The following ABI3BP variants were observed in gnomAD, a reference collection of about 807,000 sequenced individuals.
The protein encoded by ABI3BP is ABI family member 3 binding protein.
In ABI3BP, 216 loss-of-function variants were observed where a neutral mutation model predicts 268.6. That is an observed-to-expected ratio of 0.80 (90% CI 0.72 to 0.90). The LOEUF (loss-of-function observed/expected upper bound fraction) is 0.90. ABI3BP is among the 40% of genes least tolerant of loss of function. The pLI, the probability that ABI3BP is intolerant of heterozygous loss-of-function variation, is 0.00. For synonymous variants in ABI3BP, 730 were observed against 730.0 expected (o/e 1.00, Z 0.00); for missense variants, 2,090 against 2,182.4 (o/e 0.96, Z 0.84).
intron 1 of ABI3BP, among the ~76,000 whole-genome samples, chr3:100,956,248 CACACACACACACAT>C (rs1161844835): frequency 2.2e-5 from 3 of 138,996 alleles, no homozygotes; most frequent in Non-Finnish European, 3.2e-5. Flanking sequence ...CACACACACA[CACACACACACACAT>C]ATGGCATGTC....
intron 45 of ABI3BP, among the ~76,000 whole-genome samples, 178 bp downstream of exon 45, chr3:100,813,483 A>T (rs73135510): frequency 0.11 from 16,199 of 152,276 alleles, 1,153 homozygotes; most frequent in South Asian, 0.25. Context: ...TCAAATAGTA[A>T]TATTAATGTA....
At chr3:100,908,209 G>A (rs1297672660) in intron 2 of ABI3BP, among the ~76,000 whole-genome samples, 1 of 151,452 alleles carries the variant, frequency 6.6e-6, no homozygotes, top group African/African-American at 2.4e-5. Flanking sequence ...GAATAAATAA[G>A]AATTCAGTGG....
In ABI3BP at chr3:100,913,986, G is replaced by C. The variant is rs527256902; in HGVS notation, c.260-11300C>G. 7.2e-5 allele frequency among the ~76,000 whole-genome samples: 11 copies of C among 152,274 alleles called. No individual in the cohort carries two copies. The South Asian group carries it at 2.3e-3, about 32-fold the overall frequency. On this transcript the variant is annotated intron_variant, in intron 2 of 67. Transcript: ENST00000471714. ...CTCTTCTACCCCTTTAATGCCTGGG[G>C]CTAGAAGAAAGATGAATGAAGCCCG...
At chr3:100,790,864 G>A (rs1351959183) in intron 55 of ABI3BP, among the ~76,000 whole-genome samples, 1 of 151,896 alleles carries the variant, frequency 6.6e-6, no homozygotes, top group African/African-American at 2.4e-5. Context: ...TAAATTTTAA[G>A]ACTTTGGACA....
At position 100,850,103 on chromosome 3, in the gene ABI3BP, T is replaced by TGGTGTTTCA. The variant is rs1560800677; in HGVS notation, c.1434_1442dup (p.Glu479_Pro481dup). 1.2e-6 allele frequency: 2 copies of TGGTGTTTCA among 1,609,668 alleles called. No homozygotes were observed. The highest frequency in any genetic ancestry group is 1.7e-6 in the Non-Finnish European group (2 of 1,177,954). On this transcript the variant is annotated inframe_insertion, in exon 17 of 68. Coordinates refer to ENST00000471714, the MANE Select transcript of ABI3BP (RefSeq NM_001375547.2). ...AGATTTCCAGTTTTTGAGGAACAAA[T>TGGTGTTTCA]GGTGTTTCACTTGGAGCTGAAAGCA...
Position 100,993,310 on chromosome 3 carries a change from T to C in ABI3BP, c.75A>G (p.Pro25=). 6.5e-7 allele frequency: 1 copy of C among 1,549,890 alleles called. No individual in the cohort carries two copies. The highest frequency in any genetic ancestry group is 8.7e-7 in the Non-Finnish European group (1 of 1,145,528). ...ATAAAACATCAGGCTACTTGCCTTT[T>C]GGCAATTTCTGTGCATTTCCCAGGG... The part of the protein sequence containing the change: ...TLALGNAQKL[P]KGKRPNLKVH... Residue 25 remains proline (P), a synonymous_variant, in exon 1 of 68, where the codon CCA becomes CCG. Transcript: ENST00000471714.
intron 57 of ABI3BP, among the ~76,000 whole-genome samples, chr3:100,784,294 C>G (rs1251581912): frequency 1.3e-5 from 2 of 152,024 alleles, no homozygotes; most frequent in Non-Finnish European, 2.9e-5. Context: ...AAGAACATGT[C>G]CTATAGGAAC....
Position 100,885,061 on chromosome 3 carries a change from G to A in ABI3BP, c.696+475C>T, listed in dbSNP as rs114454659. Among the ~76,000 whole-genome samples, 622 of 152,138 alleles carry A rather than the reference G, an allele frequency of 4.1e-3. 2 individuals carry two copies. Among genetic ancestry groups the A allele is most frequent in the African/African-American group, 0.014 (584 of 41,528 alleles). On this transcript the variant is annotated intron_variant, in intron 6 of 67. Transcript: ENST00000471714. ...TGGGGAAATGCCTGGTTCATAAAAC[G>A]CAAACATTGTCTGAACTGAACAGAG...
chr3:100,864,092 G>C lies in ABI3BP; in HGVS notation c.1064-16C>G. ...TTGCTGAGAACTACAATAAAAAAGAGTGCAGTTAGCAACTCCTGGACTTGG... is the reference window on the plus strand; with the variant it reads ...TTGCTGAGAACTACAATAAAAAAGACTGCAGTTAGCAACTCCTGGACTTGG... On this transcript the variant is annotated splice_polypyrimidine_tract_variant and intron_variant, in intron 11 of 67. Coordinates refer to ENST00000471714, the MANE Select transcript of ABI3BP (RefSeq NM_001375547.2). The C allele has an allele frequency of 6.6e-7, 1 of 1,520,864 alleles. No homozygotes were observed. Among genetic ancestry groups the C allele is most frequent in the Non-Finnish European group, 8.8e-7 (1 of 1,132,942 alleles). 94.2% of individuals were successfully genotyped at this position (1,520,864 alleles called of 1,614,324 possible). A position where few individuals can be genotyped will look rare whatever the true frequency, so the allele number is the denominator to read the frequency against.
At position 100,970,484 on chromosome 3, in the gene ABI3BP, G is replaced by C. The variant is rs1177262897; in HGVS notation, c.79+22822C>G. The stretch of plus-strand genomic sequence containing the variant: ...TGACGTATAGAGACATATGGACCCA[G>C]ACTGGGATTTGGGGTCTTACCCTTG... On this transcript the variant is annotated intron_variant, in intron 1 of 67. Transcript: ENST00000471714. Among the ~76,000 whole-genome samples the C allele has an allele frequency of 2.0e-5, 3 of 152,218 alleles. No homozygotes were observed. In the East Asian group the frequency reaches 5.8e-4, roughly 29 times the overall value.
In ABI3BP at chr3:100,846,454, A is replaced by G. The variant is rs1324468120; in HGVS notation, c.1649-8T>C. ...ATTGTGTTTTACCGGGAGCTGGAAA[A>G]ATAAAGAAACAAAATAATAAACAAA... On this transcript the variant is annotated splice_region_variant and splice_polypyrimidine_tract_variant and intron_variant, in intron 19 of 67. Coordinates refer to ENST00000471714, the MANE Select transcript of ABI3BP (RefSeq NM_001375547.2). The G allele has an allele frequency of 6.4e-7, 1 of 1,568,466 alleles. No homozygotes were observed. The highest frequency in any genetic ancestry group is 1.9e-5 in the Admixed American group (1 of 53,818).
intron 54 of ABI3BP, among the ~76,000 whole-genome samples, chr3:100,794,592 A>G (rs2097289878): frequency 1.3e-5 from 2 of 151,980 alleles, no homozygotes; most frequent in African/African-American, 2.4e-5. Context: ...AATGCAGTTT[A>G]AAATACAGAA....
At chr3:100,917,394 T>C (rs1421890384) in intron 2 of ABI3BP, among the ~76,000 whole-genome samples, 1 of 152,126 alleles carries the variant, frequency 6.6e-6, no homozygotes, top group Admixed American at 6.6e-5. Flanking sequence ...GAAAATAATA[T>C]ATGGATAATC....
intron 40 of ABI3BP, 96 bp downstream of exon 40, chr3:100,820,123 TG>T: frequency 9.4e-7 from 1 of 1,059,610 alleles, no homozygotes; most frequent in Non-Finnish European, 1.4e-6. Flanking sequence ...TTCATCCACA[TG>T]GTACTCACAC....
intron 4 of ABI3BP, among the ~76,000 whole-genome samples, chr3:100,887,898 G>A (rs1447639022): frequency 3.3e-5 from 5 of 151,984 alleles, no homozygotes; most frequent in South Asian, 2.1e-4. Context: ...AAATGAACAC[G>A]TAGACTCTGT....
chr3:100,774,709 G>A, intron 60 of ABI3BP, 36 bp from the exon 61 acceptor site: 1 of 1,455,000 alleles, frequency 6.9e-7, no homozygotes, highest in Non-Finnish European at 9.3e-7. Flanking sequence ...TTTGGCAAAA[G>A]ATAAAAAAGC....
intron 20 of ABI3BP, 45 bp from the exon 21 acceptor site, chr3:100,842,084 C>T (rs2098713220): frequency 1.4e-6 from 2 of 1,444,138 alleles, no homozygotes; most frequent in East Asian, 4.9e-5. Flanking sequence ...TGAAGAGCAC[C>T]ATCTGAGATA....
chr3:100,910,792 T>G (rs1346341715), intron 2 of ABI3BP, among the ~76,000 whole-genome samples: 1 of 152,214 alleles, frequency 6.6e-6, no homozygotes, highest in Non-Finnish European at 1.5e-5. Context: ...ACTTTACAAA[T>G]TAAACATGCT....
At chr3:100,854,132 C>G (rs1181811128) in intron 14 of ABI3BP, among the ~76,000 whole-genome samples, 2 of 150,372 alleles carry the variant, frequency 1.3e-5, no homozygotes, top group African/African-American at 4.9e-5. Context: ...GGGTAAATCC[C>G]TTGAGGTTAG....
Sources: gnomAD v4.1 joint callset for allele counts (sites outside exome capture counted in the v4.1 genomes callset) on GRCh38, gnomAD v4.1.1 for gene constraint, MANE v1.5 for transcripts, NCBI Gene and HGNC (gene_info 2026-07-23, HGNC 2026-07-21) for gene names.